GPC4: variants seen among roughly 807,000 people sequenced by gnomAD.
GPC4 encodes the protein glypican-4.
In GPC4, 10 loss-of-function variants were observed where a neutral mutation model predicts 35.0. The ratio of observed to expected loss-of-function variants is 0.29; its 90% CI spans 0.18 to 0.48. The LOEUF (loss-of-function observed/expected upper bound fraction) is 0.48. GPC4 is among the 20% of genes least tolerant of loss of function. The pLI is 0.99. For missense variants in GPC4, 322 were observed against 451.3 expected (o/e 0.71, Z 2.60); for synonymous variants, 167 against 170.2 (o/e 0.98, Z 0.15).
At chrX:133,385,301 G>A (rs182251012) in intron 1 of GPC4, among the ~76,000 whole-genome samples, 88 of 111,912 alleles carry the variant, frequency 7.9e-4, no homozygotes, top group Non-Finnish European at 4.7e-4. Context: ...CAGGTTGGGG[G>A]ACATGGGGAA....
chrX:133,334,589 A>C (rs1334499281), intron 2 of GPC4, among the ~76,000 whole-genome samples: 1 of 111,332 alleles, frequency 9.0e-6, no homozygotes, highest in African/African-American at 3.3e-5. Context: ...AAAGATTCAC[A>C]GAATTGGTAG....
intron 1 of GPC4, among the ~76,000 whole-genome samples, chrX:133,380,889 C>A (rs2068657760): frequency 8.9e-6 from 1 of 111,755 alleles, no homozygotes; most frequent in South Asian, 3.8e-4. Flanking sequence ...GAAGACAGTC[C>A]ATTCGAGGGC....
At chrX:133,372,490 C>G (rs773661667) in intron 1 of GPC4, among the ~76,000 whole-genome samples, 2 of 110,825 alleles carry the variant, frequency 1.8e-5, no homozygotes, top group African/African-American at 6.5e-5. Context: ...TTAGAAAGGT[C>G]CATCTGCCTT....
intron 1 of GPC4, among the ~76,000 whole-genome samples, chrX:133,344,204 T>G (rs2068480890): frequency 2.7e-4 from 2 of 7,387 alleles, no homozygotes; most frequent in Non-Finnish European, 3.9e-4. Context: ...TTTTTTTTTT[T>G]TTTTTTTTTT....
chrX:133,347,067 A>G (rs1336554043), intron 1 of GPC4, among the ~76,000 whole-genome samples: 1 of 110,492 alleles, frequency 9.1e-6, no homozygotes, highest in Non-Finnish European at 1.9e-5. Context: ...CAAAAAACTC[A>G]GGAAATCAGA....
At chrX:133,401,193 C>T (rs1407044385) in intron 1 of GPC4, among the ~76,000 whole-genome samples, 1 of 111,602 alleles carries the variant, frequency 9.0e-6, no homozygotes, top group African/African-American at 3.3e-5. Flanking sequence ...CAGGAGAAGG[C>T]AGATGTGCTC....
At chrX:133,322,269 C>A (rs2068368653) in intron 3 of GPC4, among the ~76,000 whole-genome samples, 1 of 110,367 alleles carries the variant, frequency 9.1e-6, no homozygotes, top group East Asian at 2.9e-4. Flanking sequence ...CATGGTGAAA[C>A]CCCATCTCTA....
chrX:133,378,819 A>G (rs1384232262), intron 1 of GPC4, among the ~76,000 whole-genome samples: 1 of 111,243 alleles, frequency 9.0e-6, no homozygotes, highest in Admixed American at 9.6e-5. Context: ...AAAAAGCCCT[A>G]TTACCAACAC....
At chrX:133,407,678 C>T (rs1388663387) in intron 1 of GPC4, among the ~76,000 whole-genome samples, 1 of 112,198 alleles carries the variant, frequency 8.9e-6, no homozygotes, top group Non-Finnish European at 1.9e-5. Context: ...GATTCAACTT[C>T]AATTCTCTGT....
At chrX:133,303,369 T>C in intron 7 of GPC4, 28 bp from the exon 8 acceptor site, 3 of 1,171,524 alleles carry the variant, frequency 2.6e-6, no homozygotes, top group Non-Finnish European at 3.5e-6. Flanking sequence ...CCCAGTAAGA[T>C]GATTCGTAAA....
At chrX:133,339,097 T>C in intron 2 of GPC4, 86 bp downstream of exon 2, 2 of 959,396 alleles carry the variant, frequency 2.1e-6, no homozygotes, top group Non-Finnish European at 2.9e-6. Flanking sequence ...GGGAGAAAAC[T>C]TAAGCACTGA....
chrX:133,335,399 T>G (rs1471149847), intron 2 of GPC4, among the ~76,000 whole-genome samples: 1 of 111,180 alleles, frequency 9.0e-6, no homozygotes, highest in Non-Finnish European at 1.9e-5. Context: ...AATCTGATGA[T>G]TTTTGAGGGG....
rs775185327 is a variant in GPC4, at chrX:133,371,695, T to C, written c.161-32354A>G. Among the ~76,000 whole-genome samples, 3 of 112,235 alleles carry C rather than the reference T, an allele frequency of 2.7e-5. No individual in the cohort carries two copies. In the East Asian group the frequency reaches 8.4e-4, roughly 31 times the overall value. On this transcript the variant is annotated intron_variant, in intron 1 of 8. Coordinates refer to ENST00000370828, the MANE Select transcript of GPC4 (RefSeq NM_001448.3). Reference sequence around the variant, plus strand: ...AATTGCTTGAGTTGATTTCTCTTTGTCCAAATTCGTTAATATAAATATAAC... The same window carrying C: ...AATTGCTTGAGTTGATTTCTCTTTGCCCAAATTCGTTAATATAAATATAAC...
intron 2 of GPC4, among the ~76,000 whole-genome samples, chrX:133,338,139 C>T (rs1486434405): frequency 9.0e-6 from 1 of 111,304 alleles, no homozygotes; most frequent in African/African-American, 3.3e-5. Context: ...GAAATACAAC[C>T]TGTTCTTTAA....
At chrX:133,408,343 T>C (rs1168979709) in intron 1 of GPC4, among the ~76,000 whole-genome samples, 1 of 112,424 alleles carries the variant, frequency 8.9e-6, no homozygotes, top group East Asian at 2.8e-4. Flanking sequence ...AACAGTTGCA[T>C]GTGGTAAATT....
At chrX:133,410,397 A>G (rs1366526498) in intron 1 of GPC4, among the ~76,000 whole-genome samples, 1 of 112,653 alleles carries the variant, frequency 8.9e-6, no homozygotes, top group Non-Finnish European at 1.9e-5. Context: ...AATGGAGATG[A>G]TAATTCTGAT....
At chrX:133,393,217 G>A (rs947011501) in intron 1 of GPC4, among the ~76,000 whole-genome samples, 2 of 111,572 alleles carry the variant, frequency 1.8e-5, no homozygotes, top group African/African-American at 6.5e-5. Context: ...TTTAGGAAGG[G>A]TTTTGTTTGG....
At chrX:133,309,140 T>C (rs1053674768) in intron 4 of GPC4, among the ~76,000 whole-genome samples, 5 of 111,875 alleles carry the variant, frequency 4.5e-5, no homozygotes, top group Non-Finnish European at 9.4e-5. Context: ...TGTCTATTAC[T>C]CCTGGTCTTT....
chrX:133,301,982 G>A lies in GPC4; in HGVS notation c.*885C>T, dbSNP rs1228248268. The A allele has an allele frequency of 1.8e-5, 2 of 109,803 alleles. No homozygotes were observed. Among genetic ancestry groups the A allele is most frequent in the African/African-American group, 3.3e-5 (1 of 30,164 alleles). The allele number at this position is 109,803 out of a possible 1,213,427, so 9.0% of individuals were successfully genotyped here. ...ACAGGGTGGGCTAGCTAACCTGCCTGGTTTTAAAAAAAAACACCCCTAAAC... is the reference window on the plus strand; with the variant it reads ...ACAGGGTGGGCTAGCTAACCTGCCTAGTTTTAAAAAAAAACACCCCTAAAC... On this transcript the variant is annotated 3_prime_UTR_variant, in exon 9 of 9. Transcript: ENST00000370828.
Sources: gnomAD v4.1 joint callset for allele counts (sites outside exome capture counted in the v4.1 genomes callset) on GRCh38, gnomAD v4.1.1 for gene constraint, MANE v1.5 for transcripts, NCBI Gene and HGNC (gene_info 2026-07-23, HGNC 2026-07-21) for gene names.